NPRL3: variants seen among roughly 807,000 people sequenced by gnomAD.
NPRL3 encodes the protein GATOR1 complex protein NPRL3.
In NPRL3, 23 loss-of-function variants were observed where a neutral mutation model predicts 57.2. That is an observed-to-expected ratio of 0.40 (90% CI 0.29 to 0.57). NPRL3 has a LOEUF of 0.57. NPRL3 is among the 20% of genes least tolerant of loss of function. The probability of loss-of-function intolerance (pLI) is 0.42; values close to 1 mark genes in which losing one functional copy is unlikely to be tolerated. For synonymous variants in NPRL3, 333 were observed against 321.1 expected (o/e 1.04, Z -0.39); for missense variants, 691 against 767.1 (o/e 0.90, Z 1.17).
chr16:91,506 T>C (rs1045585278), intron 11 of NPRL3, among the ~76,000 whole-genome samples: 1 of 152,184 alleles, frequency 6.6e-6, no homozygotes, highest in African/African-American at 2.4e-5. Flanking sequence ...CACTCCGTTA[T>C]CTAGACCACA....
chr16:87,944 G>A (rs1898571029), intron 13 of NPRL3, among the ~76,000 whole-genome samples: 1 of 151,290 alleles, frequency 6.6e-6, no homozygotes, highest in Non-Finnish European at 1.5e-5. Context: ...AACTCAGGCT[G>A]GCACAGAGGA....
intron 7 of NPRL3, among the ~76,000 whole-genome samples, chr16:109,893 G>A (rs1199689811): frequency 6.6e-6 from 1 of 152,106 alleles, no homozygotes; most frequent in African/African-American, 2.4e-5. Flanking sequence ...TTCTTCTATT[G>A]GGAAATATAA....
rs572830114 is a variant in NPRL3, at chr16:112,343, T to C, written c.547+279A>G. The stretch of plus-strand genomic sequence containing the variant: ...AGGCACAATCAGCCCCGTGTGAAGA[T>C]CATGTAACTTCTCTGAGCCTTAGTT... On this transcript the variant is annotated intron_variant, in intron 6 of 13. Coordinates refer to ENST00000611875, the MANE Select transcript of NPRL3 (RefSeq NM_001077350.3). Among the ~76,000 whole-genome samples the C allele has an allele frequency of 6.6e-5, 10 of 152,300 alleles. No individual in the cohort carries two copies. In the East Asian group the frequency reaches 1.9e-3, roughly 29 times the overall value.
At position 86,501 on chromosome 16, in the gene NPRL3, G is replaced by A. The variant is rs904226734; in HGVS notation, c.*204C>T. The A allele has an allele frequency of 2.1e-5, 12 of 579,242 alleles. No individual in the cohort carries two copies. Among genetic ancestry groups the A allele is most frequent in the Non-Finnish European group, 3.7e-5 (12 of 326,480 alleles). The allele number at this position is 579,242 out of a possible 1,614,324, so 35.9% of individuals were successfully genotyped here. A position where few individuals can be genotyped will look rare whatever the true frequency, so the allele number is the denominator to read the frequency against. On this transcript the variant is annotated 3_prime_UTR_variant, in exon 14 of 14. Transcript: ENST00000611875. ...GACTGGAGGGAAGCGTAGGAACACA[G>A]AGGGCAGCAGCCCCACAGCGGAACC...
chr16:86,527 A>C lies in NPRL3; in HGVS notation c.*178T>G, dbSNP rs1300757789. 1.6e-6 allele frequency: 1 copy of C among 628,686 alleles called. No individual in the cohort carries two copies. The highest frequency in any genetic ancestry group is 1.8e-5 in the African/African-American group (1 of 54,442). The allele number at this position is 628,686 out of a possible 1,614,324, so 38.9% of individuals were successfully genotyped here. ...AGGGCAGCAGCCCCACAGCGGAACC[A>C]CCAGGGGCAAGGACAGCGGGGCTCT... On this transcript the variant is annotated 3_prime_UTR_variant, in exon 14 of 14. Coordinates refer to ENST00000611875, the MANE Select transcript of NPRL3 (RefSeq NM_001077350.3).
At chr16:122,121 G>A (rs1248255035) in intron 3 of NPRL3, among the ~76,000 whole-genome samples, 1 of 142,586 alleles carries the variant, frequency 7.0e-6, no homozygotes, top group Non-Finnish European at 1.5e-5. Flanking sequence ...CCTTGAGATG[G>A]AGTCTTGCTC....
chr16:105,227 C>T (rs1200211109), intron 7 of NPRL3, among the ~76,000 whole-genome samples: 1 of 152,180 alleles, frequency 6.6e-6, no homozygotes, highest in African/African-American at 2.4e-5. Flanking sequence ...AACACACTCT[C>T]GCCGTTCATC....
chr16:99,919 T>G, intron 8 of NPRL3, among the ~76,000 whole-genome samples: 1 of 107,626 alleles, frequency 9.3e-6, no homozygotes, highest in African/African-American at 3.7e-5. Context: ...GGCGATAAGA[T>G]CAAAACTCTG....
chr16:90,775 G>C (rs1898730503), intron 11 of NPRL3: 1 of 152,264 alleles, frequency 6.6e-6, no homozygotes. Context: ...ATATATCCCA[G>C]GCAAGTAAGA....
At chr16:129,328 G>A (rs1193452167) in intron 3 of NPRL3, among the ~76,000 whole-genome samples, 1 of 152,098 alleles carries the variant, frequency 6.6e-6, no homozygotes, top group African/African-American at 2.4e-5. Context: ...ATATGCCTGT[G>A]ACAAACCAGA....
intron 3 of NPRL3, chr16:123,364 G>T: frequency 2.6e-6 from 1 of 384,778 alleles, no homozygotes; most frequent in South Asian, 1.9e-5. Context: ...CATTCATGGG[G>T]GAACTGGGGC....
At chr16:135,019 T>C (rs1437110434) in intron 2 of NPRL3, among the ~76,000 whole-genome samples, 3 of 152,106 alleles carry the variant, frequency 2.0e-5, no homozygotes, top group African/African-American at 7.2e-5. Flanking sequence ...GTAATTATTA[T>C]GGAACCTACA....
At chr16:110,767 C>G (rs1237709933) in intron 6 of NPRL3, among the ~76,000 whole-genome samples, 161 bp from the exon 7 acceptor site, 1 of 152,126 alleles carries the variant, frequency 6.6e-6, no homozygotes, top group Non-Finnish European at 1.5e-5. Flanking sequence ...CCAGGCTGGT[C>G]TCGAACTCCT....
intron 3 of NPRL3, among the ~76,000 whole-genome samples, chr16:127,533 C>A (rs908273218): frequency 6.6e-6 from 1 of 152,204 alleles, no homozygotes; most frequent in Non-Finnish European, 1.5e-5. Flanking sequence ...CCGCTCCCGG[C>A]CCCAAAAGAA....
intron 2 of NPRL3, among the ~76,000 whole-genome samples, chr16:137,012 A>G (rs1453818800): frequency 6.7e-6 from 1 of 149,976 alleles, no homozygotes; most frequent in African/African-American, 2.5e-5. Context: ...GTTCGAGATC[A>G]GCCTGGCCAA....
At chr16:134,694 A>ATTATTATTATTATTTTTTTTT (rs1346965930) in intron 2 of NPRL3, among the ~76,000 whole-genome samples, 3 of 103,410 alleles carry the variant, frequency 2.9e-5, no homozygotes, top group African/African-American at 1.0e-4. Flanking sequence ...AATTATTATT[A>ATTATTATTATTATTTTTTTTT]TTTTTTTTTT....
intron 3 of NPRL3, among the ~76,000 whole-genome samples, chr16:123,127 G>T (rs371458688): frequency 2.6e-5 from 4 of 152,184 alleles, no homozygotes; most frequent in Admixed American, 1.3e-4. Context: ...AACAGTCACA[G>T]GTCTCTCTAG....
chr16:132,332 A>G (rs1369459592), intron 2 of NPRL3, among the ~76,000 whole-genome samples: 1 of 152,144 alleles, frequency 6.6e-6, no homozygotes, highest in African/African-American at 2.4e-5. Context: ...TTGCCCATCC[A>G]TAACAATCAA....
rs116702752 is a variant in NPRL3 at position 96,494 on chromosome 16, C to T, written c.924+1651G>A. On this transcript the variant is annotated intron_variant, in intron 9 of 13. Coordinates refer to ENST00000611875, the MANE Select transcript of NPRL3 (RefSeq NM_001077350.3). ...GAAGGTGGGCAGGACATGGTGTTTA[C>T]TGAGTCCTGTCCAGCCCATGAAGTC... Among the ~76,000 whole-genome samples, 1,259 of 152,066 alleles carry T rather than the reference C, an allele frequency of 8.3e-3. 13 individuals are homozygous for T. The highest frequency in any genetic ancestry group is 0.021 in the African/African-American group (852 of 41,452).
Sources: allele counts gnomAD v4.1 joint callset (sites outside exome capture counted in the v4.1 genomes callset), GRCh38; gene constraint gnomAD v4.1.1; transcripts MANE v1.5; gene names NCBI Gene and HGNC (gene_info 2026-07-23, HGNC 2026-07-21).